The following CYRIB variants were observed in gnomAD, a reference collection of about 807,000 sequenced individuals.
The protein encoded by CYRIB is CYFIP-related Rac1 interactor B.
CYRIB carries 8 observed loss-of-function variants against 44.2 expected under a neutral mutation model. The observed-to-expected ratio is 0.18, with a 90% CI of 0.11 to 0.33. The LOEUF (loss-of-function observed/expected upper bound fraction) is 0.33, where lower values mean the gene tolerates loss of function less well. Ranked by LOEUF, CYRIB falls within the 10% of genes least tolerant of loss-of-function variation. CYRIB has a pLI of 1.00. For synonymous variants in CYRIB, 131 were observed against 127.2 expected (o/e 1.03, Z -0.20); for missense variants, 185 against 382.8 (o/e 0.48, Z 4.31).
At chr8:129,906,565 C>A (rs1413796892) in intron 1 of CYRIB, among the ~76,000 whole-genome samples, 1 of 152,120 alleles carries the variant, frequency 6.6e-6, no homozygotes, top group Non-Finnish European at 1.5e-5. Flanking sequence ...GTCTAAAACA[C>A]CAAAAGCAAT....
At chr8:129,919,530 G>A (rs912059765) in intron 1 of CYRIB, among the ~76,000 whole-genome samples, 2 of 152,116 alleles carry the variant, frequency 1.3e-5, no homozygotes, top group African/African-American at 4.8e-5. Context: ...CTATGCTGGA[G>A]TTCTGTGGTT....
At chr8:129,872,747 C>T (rs1192998181) in intron 3 of CYRIB, among the ~76,000 whole-genome samples, 1 of 151,992 alleles carries the variant, frequency 6.6e-6, no homozygotes, top group Non-Finnish European at 1.5e-5. Flanking sequence ...AATACTATCA[C>T]ACTGGTCTTT....
chr8:129,968,687 T>C (rs1221121555), intron 2 of CYRIB, among the ~76,000 whole-genome samples: 1 of 152,242 alleles, frequency 6.6e-6, no homozygotes, highest in East Asian at 1.9e-4. Flanking sequence ...AAGGGTCTCA[T>C]ACCTCATAAG....
chr8:129,931,906 C>T (rs754030145), intron 1 of CYRIB, among the ~76,000 whole-genome samples: 6 of 151,832 alleles, frequency 4.0e-5, no homozygotes, highest in Non-Finnish European at 8.8e-5. Context: ...GGATTGCAGG[C>T]GTGAGTCAGT....
chr8:129,896,793 ATCAT>A (rs1332403634), intron 2 of CYRIB: 1 of 152,236 alleles, frequency 6.6e-6, no homozygotes, highest in African/African-American at 2.4e-5. Flanking sequence ...TAAACTGTCC[ATCAT>A]TCTTTCTTCT....
intron 1 of CYRIB, among the ~76,000 whole-genome samples, chr8:129,988,219 G>T (rs1025528845): frequency 6.6e-6 from 1 of 152,134 alleles, no homozygotes; most frequent in Non-Finnish European, 1.5e-5. Flanking sequence ...CGATCTTCAG[G>T]GGTACGTATC....
chr8:129,935,441 T>C (rs2092623645), intron 1 of CYRIB, among the ~76,000 whole-genome samples: 1 of 152,140 alleles, frequency 6.6e-6, no homozygotes, highest in African/African-American at 2.4e-5. Context: ...AAAACCTGGA[T>C]GCCTCTAATG....
chr8:129,926,869 T>C (rs1424882631), intron 1 of CYRIB, among the ~76,000 whole-genome samples: 1 of 152,204 alleles, frequency 6.6e-6, no homozygotes, highest in African/African-American at 2.4e-5. Flanking sequence ...TGCCAAAAAG[T>C]TAATCTAATA....
At chr8:129,924,014 T>G (rs1303859714) in intron 1 of CYRIB, among the ~76,000 whole-genome samples, 2 of 149,790 alleles carry the variant, frequency 1.3e-5, no homozygotes, top group African/African-American at 2.5e-5. Flanking sequence ...CTCATGCCTG[T>G]ATCCCCAACA....
At chr8:129,985,679 G>C (rs919231435) in intron 1 of CYRIB, among the ~76,000 whole-genome samples, 1 of 152,144 alleles carries the variant, frequency 6.6e-6, no homozygotes, top group Admixed American at 6.5e-5. Context: ...AATAGAGTGA[G>C]TGTGGCACAG....
intron 3 of CYRIB, among the ~76,000 whole-genome samples, chr8:129,876,370 A>AAAAAC (rs909324910): frequency 1.8e-4 from 28 of 152,252 alleles, no homozygotes; most frequent in African/African-American, 6.5e-4. Context: ...ACCCTGTCTC[A>AAAAAC]AAAACAAAAC....
chr8:129,974,449 A>G (rs1018162933), intron 1 of CYRIB, among the ~76,000 whole-genome samples: 3 of 152,066 alleles, frequency 2.0e-5, no homozygotes, highest in African/African-American at 7.2e-5. Context: ...GACTCCTGGG[A>G]TGCTCTAGGC....
At chr8:129,918,310 G>A (rs993932224) in intron 1 of CYRIB, among the ~76,000 whole-genome samples, 22 of 152,270 alleles carry the variant, frequency 1.4e-4, no homozygotes, top group Admixed American at 1.3e-3. Flanking sequence ...TCTATCTAAA[G>A]CAGGGGTCTG....
intron 1 of CYRIB, among the ~76,000 whole-genome samples, chr8:129,975,104 C>T (rs1032650365): frequency 6.6e-6 from 1 of 152,164 alleles, no homozygotes; most frequent in African/African-American, 2.4e-5. Flanking sequence ...TGGTCTCGAA[C>T]GCCTGACCTC....
intron 1 of CYRIB, among the ~76,000 whole-genome samples, chr8:129,932,646 A>T (rs1255439973): frequency 6.6e-6 from 1 of 152,202 alleles, no homozygotes; most frequent in Non-Finnish European, 1.5e-5. Context: ...ACCAGATTCC[A>T]TGAAAATATG....
intron 9 of CYRIB, 47 bp from the exon 12 acceptor site, chr8:129,849,416 C>A (rs2042078365): frequency 1.0e-5 from 16 of 1,556,326 alleles, no homozygotes; most frequent in African/African-American, 5.5e-5. Context: ...TTACAAAATT[C>A]TTTTTAAAAA....
At chr8:129,923,688 T>A (rs1285447825) in intron 1 of CYRIB, among the ~76,000 whole-genome samples, 1 of 152,094 alleles carries the variant, frequency 6.6e-6, no homozygotes, top group Non-Finnish European at 1.5e-5. Flanking sequence ...TTGTTGGCTA[T>A]ACTAAAGATT....
intron 1 of CYRIB, among the ~76,000 whole-genome samples, chr8:129,985,676 T>C (rs1486251218): frequency 6.0e-5 from 9 of 150,884 alleles, no homozygotes; most frequent in Non-Finnish European, 1.3e-4. Context: ...GCAAATAGAG[T>C]GAGTGTGGCA....
intron 1 of CYRIB, among the ~76,000 whole-genome samples, chr8:129,996,096 G>A (rs72720337): frequency 0.056 from 8,592 of 152,258 alleles, 299 homozygotes; most frequent in Middle Eastern, 0.11. Context: ...ACTCCAGTTT[G>A]TAAGACACTT....
Sources: allele counts gnomAD v4.1 joint callset (sites outside exome capture counted in the v4.1 genomes callset), GRCh38; gene constraint gnomAD v4.1.1; transcripts MANE v1.5; gene names NCBI Gene and HGNC (gene_info 2026-07-23, HGNC 2026-07-21).